NRDE2: variants seen among roughly 807,000 people sequenced by gnomAD.
NRDE2 encodes the protein NRDE-2, necessary for RNA interference, domain containing.
NRDE2 carries 76 observed loss-of-function variants against 124.2 expected under a neutral mutation model. The observed-to-expected ratio is 0.61, with a 90% CI of 0.51 to 0.74. NRDE2 has a LOEUF of 0.74. Ranked by LOEUF, NRDE2 falls within the 30% of genes least tolerant of loss-of-function variation. NRDE2 has a pLI of 0.00. For synonymous variants in NRDE2, 489 were observed against 528.1 expected, an observed-to-expected ratio of 0.93 and a Z score of 1.01; for missense variants, 1,314 against 1,417.3, an observed-to-expected ratio of 0.93 and a Z score of 1.17.
intron 8 of NRDE2, among the ~76,000 whole-genome samples, chr14:90,297,626 C>T (rs1231653153): frequency 1.3e-5 from 2 of 152,050 alleles, no homozygotes; most frequent in African/African-American, 4.8e-5. Flanking sequence ...AAAAGACTGT[C>T]TGAAATACAC....
At position 90,331,869 on chromosome 14, in the gene NRDE2, C is replaced by T; in HGVS notation, c.36G>A (p.Glu12=). 6.2e-7 allele frequency: 1 copy of T among 1,614,154 alleles called. No homozygotes were observed. Among genetic ancestry groups the T allele is most frequent in the Non-Finnish European group, 8.5e-7 (1 of 1,180,040 alleles). ...TCCTGGAGCTCCCGCCATCGGGAGC[C>T]TCACTAAGCCCCGCAAAGGCTGGGA... ...ALFPAFAGLS[E]APDGGSSRKE... The change falls in exon 1 of 14, where the codon GAG becomes GAA. Residue 12 remains glutamate (E), a synonymous_variant. Transcript: ENST00000354366.
intron 3 of NRDE2, among the ~76,000 whole-genome samples, chr14:90,315,176 C>CAAAAAA (rs71117336): frequency 6.3e-5 from 2 of 31,770 alleles, no homozygotes; most frequent in African/African-American, 3.1e-4. Context: ...TACTCTGTCT[C>CAAAAAA]AAAAAAAAAA....
intron 3 of NRDE2, among the ~76,000 whole-genome samples, chr14:90,315,847 C>T (rs1397933466): frequency 1.3e-5 from 2 of 150,704 alleles, no homozygotes; most frequent in East Asian, 2.0e-4. Context: ...ATCCCAGCTA[C>T]TCGGGAGGCT....
intron 7 of NRDE2, among the ~76,000 whole-genome samples, chr14:90,300,192 C>T (rs972165458): frequency 6.6e-6 from 1 of 152,128 alleles, no homozygotes; most frequent in Non-Finnish European, 1.5e-5. Context: ...CTGATCCTGA[C>T]CCACAAGGTT....
In NRDE2 at chr14:90,271,304, AAAAAG is replaced by A. The variant is rs1465843847; in HGVS notation, c.*7027_*7031del. ...TGCCACAGTAATTACTGGCCAAAAG[AAAAAG>A]AAAACAATAACAGTAACCCACATAA... On this transcript the variant is annotated 3_prime_UTR_variant, in exon 14 of 14. Transcript: ENST00000354366. 2 of 152,210 alleles carry A rather than the reference AAAAAG, an allele frequency of 1.3e-5. No individual in the cohort carries two copies. The highest frequency in any genetic ancestry group is 1.9e-4 in the East Asian group (1 of 5,190). 9.4% of individuals were successfully genotyped at this position (152,210 alleles called of 1,614,324 possible).
Position 90,268,642 on chromosome 14 carries a change from C to T in NRDE2, c.*9694G>A, listed in dbSNP as rs1427918440. 2.8e-5 allele frequency: 13 copies of T among 467,862 alleles called. No homozygotes were observed. Among genetic ancestry groups the T allele is most frequent in the Admixed American group, 3.8e-5 (1 of 26,130 alleles). 29.0% of individuals were successfully genotyped at this position (467,862 alleles called of 1,614,324 possible). On this transcript the variant is annotated 3_prime_UTR_variant, in exon 14 of 14. Transcript: ENST00000354366. The stretch of plus-strand genomic sequence containing the variant: ...TTATGAATAACCATGTCTTGAGCAC[C>T]CGCCCTGATCCAGGACCATCTGGAC...
rs79361563 is a variant in NRDE2, at chr14:90,290,838, C to T, written c.1843-231G>A. On this transcript the variant is annotated intron_variant, in intron 9 of 13. Transcript: ENST00000354366. ...CTGTGGTGCCATTAACATTTCAACACATGGGAAAGCCTGAGGAGGAGAGAA... is the reference window on the plus strand; with the variant it reads ...CTGTGGTGCCATTAACATTTCAACATATGGGAAAGCCTGAGGAGGAGAGAA... Among the ~76,000 whole-genome samples the T allele has an allele frequency of 8.8e-3, 1,311 of 148,554 alleles. 22 individuals are homozygous for T. Among genetic ancestry groups the T allele is most frequent in the African/African-American group, 0.032 (1,274 of 39,666 alleles).
chr14:90,330,443 A>T (rs1239602660), intron 1 of NRDE2, among the ~76,000 whole-genome samples: 1 of 152,200 alleles, frequency 6.6e-6, no homozygotes, highest in East Asian at 1.9e-4. Flanking sequence ...ATGAATAGAC[A>T]AACACTGCCC....
At chr14:90,283,071 T>A (rs1318654904) in intron 12 of NRDE2, among the ~76,000 whole-genome samples, 2 of 152,154 alleles carry the variant, frequency 1.3e-5, no homozygotes, top group African/African-American at 4.8e-5. Context: ...AGCCTTAGCC[T>A]TCCCCCCGGC....
chr14:90,314,912 G>A (rs537795627), intron 3 of NRDE2, among the ~76,000 whole-genome samples: 61 of 152,142 alleles, frequency 4.0e-4, no homozygotes, highest in African/African-American at 1.5e-3. Context: ...GCTCATGGCT[G>A]TAATCCCAGC....
rs752422466 is a variant in NRDE2 at position 90,331,888 on chromosome 14, G to T, written c.17C>A (p.Ala6Asp). 6.2e-7 allele frequency: 1 copy of T among 1,614,124 alleles called. No homozygotes were observed. Residue 6 changes from alanine to aspartate, a missense_variant, in exon 1 of 14, where the codon GCC becomes GAC. Coordinates refer to ENST00000354366, the MANE Select transcript of NRDE2 (RefSeq NM_017970.4). Reference protein sequence around the residue: MALFPAFAGLSEAPDG... With the variant: MALFPDFAGLSEAPDG... The stretch of plus-strand genomic sequence containing the variant: ...GGGAGCCTCACTAAGCCCCGCAAAG[G>T]CTGGGAACAGCGCCATGACCACAGG...
Position 90,331,916 on chromosome 14 carries a change from G to C in NRDE2, c.-12C>G, listed in dbSNP as rs1225860026. On this transcript the variant is annotated 5_prime_UTR_variant, in exon 1 of 14. Transcript: ENST00000354366. Reference sequence around the variant, plus strand: ...GGGAACAGCGCCATGACCACAGGCCGTACCTCCGTTCTTCTCTATAGGGAT... The same window carrying C: ...GGGAACAGCGCCATGACCACAGGCCCTACCTCCGTTCTTCTCTATAGGGAT... The C allele has an allele frequency of 6.2e-7, 1 of 1,614,008 alleles. No individual in the cohort carries two copies. The highest frequency in any genetic ancestry group is 8.5e-7 in the Non-Finnish European group (1 of 1,180,028).
chr14:90,288,279 C>T lies in NRDE2; in HGVS notation c.3096G>A (p.Glu1032=), dbSNP rs756308982. Residue 1032 remains glutamate (E), a synonymous_variant, in exon 11 of 14, where the codon GAG becomes GAA. Transcript: ENST00000354366. ...DTITRSAKPL[E]PWLFAIEAEK... Reference sequence around the variant, plus strand: ...CAGCTTCAATTGCAAACAACCAAGGCTCCAAGGGTTTGGCAGACCTGGTGA... The same window carrying T: ...CAGCTTCAATTGCAAACAACCAAGGTTCCAAGGGTTTGGCAGACCTGGTGA... 1.2e-6 allele frequency: 2 copies of T among 1,614,204 alleles called. No homozygotes were observed. The highest frequency in any genetic ancestry group is 2.2e-5 in the East Asian group (1 of 44,870).
intron 4 of NRDE2, among the ~76,000 whole-genome samples, chr14:90,307,053 A>C (rs552888597): frequency 1.3e-5 from 2 of 152,296 alleles, no homozygotes; most frequent in South Asian, 4.1e-4. Context: ...GAAAATGATA[A>C]GGGAAGGGGA....
In NRDE2 at chr14:90,274,309, G is replaced by C. The variant is rs541509338; in HGVS notation, c.*4027C>G. On this transcript the variant is annotated 3_prime_UTR_variant, in exon 14 of 14. Coordinates refer to ENST00000354366, the MANE Select transcript of NRDE2 (RefSeq NM_017970.4). ...GTGTGGGCAGCCTGATGTGCAGTAT[G>C]AGAGCCCAAGTGGGTGAGGAAGGCA... 4 of 155,836 alleles carry C rather than the reference G, an allele frequency of 2.6e-5. No individual in the cohort carries two copies. The highest frequency in any genetic ancestry group is 5.8e-5 in the Non-Finnish European group (4 of 68,596). 9.7% of individuals were successfully genotyped at this position (155,836 alleles called of 1,614,324 possible).
chr14:90,327,323 G>T (rs534446734), intron 1 of NRDE2, among the ~76,000 whole-genome samples: 1 of 152,324 alleles, frequency 6.6e-6, no homozygotes, highest in African/African-American at 2.4e-5. Flanking sequence ...GCCGTGGCGG[G>T]AGCACTGCTT....
intron 5 of NRDE2, 116 bp from the exon 6 acceptor site, chr14:90,303,241 G>T (rs1327187246): frequency 1.3e-5 from 12 of 929,826 alleles, no homozygotes; most frequent in South Asian, 1.8e-5. Flanking sequence ...CCACCAGTTT[G>T]CCACTATTTC....
chr14:90,277,973 C>A lies in NRDE2; in HGVS notation c.*363G>T, dbSNP rs79155982. On this transcript the variant is annotated 3_prime_UTR_variant, in exon 14 of 14. Transcript: ENST00000354366. ...CAGAGAGGGCCTGGCAGGACCACCA[C>A]GACACCAGCGGAGGGAACACATTCA... is the stretch of plus-strand genomic sequence containing the variant. The A allele has an allele frequency of 0.026, 4,830 of 183,032 alleles. 206 individuals are homozygous for A. Among genetic ancestry groups the A allele is most frequent in the East Asian group, 0.17 (1,155 of 6,932 alleles). 11.3% of individuals were successfully genotyped at this position (183,032 alleles called of 1,614,324 possible). A position where few individuals can be genotyped will look rare whatever the true frequency, so the allele number is the denominator to read the frequency against.
Position 90,290,587 on chromosome 14 carries a change from C to T in NRDE2, c.1863G>A (p.Gly621=), listed in dbSNP as rs1320592623. 1 of 1,608,732 alleles carries T rather than the reference C, an allele frequency of 6.2e-7. No homozygotes were observed. Among genetic ancestry groups the T allele is most frequent in the Admixed American group, 1.7e-5 (1 of 59,086 alleles). Residue 621 remains glycine, a synonymous_variant, in exon 10 of 14, where the codon GGG becomes GGA. Coordinates refer to ENST00000354366, the MANE Select transcript of NRDE2 (RefSeq NM_017970.4). The part of the protein sequence containing the change: ...PERQVLFDDI[G]QSLIRLSSHD... ...GGCTGGAAAGTCTGATCAAAGATTG[C>T]CCAATATCATCAAACAACACCTGCA...
Sources: gnomAD v4.1 joint callset for allele counts (sites outside exome capture counted in the v4.1 genomes callset) on GRCh38, gnomAD v4.1.1 for gene constraint, MANE v1.5 for transcripts, NCBI Gene and HGNC (gene_info 2026-07-23, HGNC 2026-07-21) for gene names.